Variants in ATP1A3 observed in about 807,000 individuals in gnomAD.
ATP1A3 encodes ATPase Na+/K+ transporting subunit alpha 3, also known as sodium/potassium-transporting ATPase subunit alpha-3.
ATP1A3 carries 12 observed loss-of-function variants against 108.8 expected under a neutral mutation model. The ratio of observed to expected loss-of-function variants is 0.11; its 90% confidence interval spans 0.07 to 0.18. The LOEUF (loss-of-function observed/expected upper bound fraction) is 0.18. Ranked by LOEUF, ATP1A3 falls within the 10% of genes least tolerant of loss-of-function variation. ATP1A3 has a pLI of 1.00. For missense variants in ATP1A3, 498 were observed against 1,387.7 expected (o/e 0.36, Z 10.19); for synonymous variants, 539 against 564.5 (o/e 0.95, Z 0.64).
intron 18 of ATP1A3, 55 bp downstream of exon 18, chr19:41,970,130 C>A: frequency 6.2e-7 from 1 of 1,613,988 alleles, no homozygotes; most frequent in South Asian, 1.1e-5. Context: ...GTGGGCCAGG[C>A]ACTGCTCTAG....
intron 15 of ATP1A3, among the ~76,000 whole-genome samples, chr19:41,976,166 A>C (rs2075166721): frequency 8.5e-6 from 1 of 117,176 alleles, no homozygotes; most frequent in Admixed American, 9.5e-5. Context: ...CAGACCCAGG[A>C]GTTCAGGCCC....
In ATP1A3 at chr19:41,978,183, C is replaced by T; in HGVS notation, c.1774G>A (p.Ala592Thr). Residue 592 changes from alanine (A) to threonine (T), a missense_variant, in exon 13 of 23, where the codon GCG becomes ACG. Ala to Thr is a moderately conservative substitution (Grantham distance 58, BLOSUM62 0). Coordinates refer to ENST00000648268, the MANE Select transcript of ATP1A3 (RefSeq NM_152296.5). This position sits in a 1 kb window ranked among gnomAD's most constrained non-coding sequence, Gnocchi z 8.3. ...CCTGCGCTGCGACACTTGCCCACCG[C>T]GTCAGGGACGGCTGCCCGGGGTGGG... Reference protein sequence around the residue: ...IDPPRAAVPDAVGKCRSAGIK... With the variant: ...IDPPRAAVPDTVGKCRSAGIK... 6.2e-7 allele frequency: 1 copy of T among 1,614,234 alleles called. No individual in the cohort carries two copies. Among genetic ancestry groups the T allele is most frequent in the Non-Finnish European group, 8.5e-7 (1 of 1,180,044 alleles).
chr19:41,982,407 C>T (rs782338397), intron 8 of ATP1A3, among the ~76,000 whole-genome samples: 1 of 152,168 alleles, frequency 6.6e-6, no homozygotes, highest in Non-Finnish European at 1.5e-5. Flanking sequence ...AGGCGCATCA[C>T]TTGAGATCAG....
intron 1 of ATP1A3, among the ~76,000 whole-genome samples, chr19:41,990,091 C>T (rs762338768): frequency 2.6e-5 from 4 of 152,120 alleles, no homozygotes; most frequent in African/African-American, 7.2e-5. Flanking sequence ...TTCCGTCTTT[C>T]GGTCTGTCTC....
Position 41,981,933 on chromosome 19 carries a change from C to T in ATP1A3, c.1167G>A (p.Glu389=), listed in dbSNP as rs1316256186. The T allele has an allele frequency of 1.9e-6, 3 of 1,614,210 alleles. No individual in the cohort carries two copies. Among genetic ancestry groups the T allele is most frequent in the Non-Finnish European group, 2.5e-6 (3 of 1,180,044 alleles). The part of the protein sequence containing the change: ...AHMWFDNQIH[E]ADTTEDQSGT... Reference sequence around the variant, plus strand: ...CTGACTGGTCCTCAGTGGTGTCAGCCTCGTGGATCTGGTTGTCAAACCACA... The same window carrying T: ...CTGACTGGTCCTCAGTGGTGTCAGCTTCGTGGATCTGGTTGTCAAACCACA... Residue 389 remains glutamate, a synonymous_variant, in exon 9 of 23, where the codon GAG becomes GAA. Transcript: ENST00000648268. The surrounding 1 kb of genome is among the most constrained non-coding windows in gnomAD (Gnocchi z 5.0).
At chr19:41,969,645 C>A (rs992912499) in intron 18 of ATP1A3, 65 bp from the exon 19 acceptor site, 2 of 1,601,616 alleles carry the variant, frequency 1.2e-6, no homozygotes, top group East Asian at 4.5e-5. Context: ...ACCCAGGGCA[C>A]CTCAGAGGGC....
chr19:41,993,671 A>T (rs1221039132), intron 1 of ATP1A3: 1 of 619,090 alleles, frequency 1.6e-6, no homozygotes, highest in Non-Finnish European at 2.8e-6. Context: ...CCCCAGACGC[A>T]CTAACACGAG....
chr19:41,977,521 T>C (rs1375490532), intron 14 of ATP1A3, among the ~76,000 whole-genome samples: 16 of 80,476 alleles, frequency 2.0e-4, no homozygotes, highest in African/African-American at 8.2e-4. Flanking sequence ...CCCCCGTCTC[T>C]ACTAAAAATA....
In ATP1A3 at chr19:41,978,843, C is replaced by G; in HGVS notation, c.1438-45G>C. On this transcript the variant is annotated intron_variant, in intron 11 of 22. Transcript: ENST00000648268. The surrounding 1 kb of genome is among the most constrained non-coding windows in gnomAD (Gnocchi z 8.3). ...TGGCGTGCCTGAGCCACGCAGACAC[C>G]AGGAAGCTCCCTGCCCCATCCTGTC... The G allele has an allele frequency of 6.2e-7, 1 of 1,603,378 alleles. No individual in the cohort carries two copies.
chr19:41,993,565 A>C (rs2075360717), intron 1 of ATP1A3: 4 of 1,240,374 alleles, frequency 3.2e-6, no homozygotes, highest in African/African-American at 1.5e-5. Context: ...GAGTCCCCCC[A>C]TCCAGGCCTG....
intron 11 of ATP1A3, among the ~76,000 whole-genome samples, chr19:41,979,222 T>C (rs1426980696): frequency 4.6e-5 from 7 of 151,816 alleles, no homozygotes; most frequent in Non-Finnish European, 8.8e-5. Flanking sequence ...AGGCTGGTCT[T>C]GAACTCCTGG....
At chr19:41,993,428 C>T in intron 1 of ATP1A3, 1 of 1,535,666 alleles carries the variant, frequency 6.5e-7, no homozygotes, top group Non-Finnish European at 8.7e-7. Context: ...TCCCAGCCTC[C>T]CATGCCTGCT....
intron 16 of ATP1A3, 21 bp from the exon 17 acceptor site, chr19:41,970,563 G>A: frequency 6.2e-7 from 1 of 1,612,556 alleles, no homozygotes; most frequent in Non-Finnish European, 8.5e-7. Context: ...GGCAGGCTCA[G>A]AGCAGGCGCC....
intron 4 of ATP1A3, among the ~76,000 whole-genome samples, chr19:41,987,440 G>A (rs782376782): frequency 2.0e-5 from 3 of 152,082 alleles, no homozygotes; most frequent in South Asian, 2.1e-4. Flanking sequence ...TGGCATCTGC[G>A]TTGACCCTCC....
At chr19:41,977,088 G>A (rs967492452) in intron 14 of ATP1A3, among the ~76,000 whole-genome samples, 11 of 151,690 alleles carry the variant, frequency 7.3e-5, no homozygotes, top group South Asian at 2.1e-4. Flanking sequence ...GATTACAGGC[G>A]TGAGCCACTG....
intron 4 of ATP1A3, 100 bp from the exon 5 acceptor site, chr19:41,986,329 G>T (rs1306700529): frequency 1.9e-5 from 22 of 1,171,046 alleles, no homozygotes; most frequent in Non-Finnish European, 2.6e-5. Flanking sequence ...GTGTCAGTGG[G>T]GGTCTGTATT....
In ATP1A3 at chr19:41,970,623, G is replaced by A. The variant is rs576696846; in HGVS notation, c.2264-81C>T. On this transcript the variant is annotated intron_variant, in intron 16 of 22. Coordinates refer to ENST00000648268, the MANE Select transcript of ATP1A3 (RefSeq NM_152296.5). ...TGCCCCTCCTCTGCCCTCATCCAAC[G>A]TCCTTTTTTTTTTTTTTTTTTTTTT... is the stretch of plus-strand genomic sequence containing the variant. 4.1e-4 allele frequency: 449 copies of A among 1,082,996 alleles called. 2 individuals carry two copies. In the East Asian group the frequency reaches 0.012, roughly 28 times the overall value. The allele number at this position is 1,082,996 out of a possible 1,614,324, so 67.1% of individuals were successfully genotyped here. A position where few individuals can be genotyped will look rare whatever the true frequency, so the allele number is the denominator to read the frequency against.
At chr19:41,992,551 C>T (rs1268107861) in intron 1 of ATP1A3, among the ~76,000 whole-genome samples, 1 of 152,104 alleles carries the variant, frequency 6.6e-6, no homozygotes, top group African/African-American at 2.4e-5. Context: ...CCCCCTTTGC[C>T]CTCTGCCTCC....
At chr19:41,990,168 T>C (rs1055866644) in intron 1 of ATP1A3, among the ~76,000 whole-genome samples, 1 of 152,144 alleles carries the variant, frequency 6.6e-6, no homozygotes, top group African/African-American at 2.4e-5. Flanking sequence ...CATCTCTCCC[T>C]ACCTGTCTCT....
Sources: allele counts gnomAD v4.1 joint callset (sites outside exome capture counted in the v4.1 genomes callset), GRCh38; gene constraint gnomAD v4.1.1; non-coding constraint Gnocchi (gnomAD v3.1); transcripts MANE v1.5; gene names NCBI Gene and HGNC (gene_info 2026-07-23, HGNC 2026-07-21).